The following RNF130 variants were observed in gnomAD, a reference collection of about 807,000 sequenced individuals.
RNF130 encodes E3 ubiquitin-protein ligase RNF130.
RNF130 carries 21 observed loss-of-function variants against 44.6 expected under a neutral mutation model. The observed-to-expected ratio is 0.47, with a 90% CI of 0.33 to 0.68. The LOEUF (loss-of-function observed/expected upper bound fraction) is 0.68, where lower values mean the gene tolerates loss of function less well. Ranked by LOEUF, RNF130 falls within the 30% of genes least tolerant of loss-of-function variation. The pLI is 0.02. For synonymous variants in RNF130, 214 were observed against 210.4 expected (o/e 1.02, Z -0.15); for missense variants, 479 against 560.6 (o/e 0.85, Z 1.47).
downstream of RNF130, among the ~76,000 whole-genome samples, chr5:179,950,445 A>G (rs1314470546): frequency 1.3e-5 from 2 of 152,166 alleles, no homozygotes. Context: ...TACTAATCGT[A>G]TTTCTGGTTT....
intron 2 of RNF130, among the ~76,000 whole-genome samples, chr5:180,022,000 A>G (rs1243248623): frequency 6.6e-6 from 1 of 152,206 alleles, no homozygotes; most frequent in East Asian, 1.9e-4. Context: ...TTCGAAGACT[A>G]CATTCGGCCC....
intron 1 of RNF130, among the ~76,000 whole-genome samples, chr5:180,045,264 G>A (rs1461351230): frequency 2.6e-5 from 4 of 152,204 alleles, no homozygotes; most frequent in Non-Finnish European, 5.9e-5. Context: ...ACACCCCACT[G>A]TGTTCGGAAT....
At chr5:179,954,104 T>C (rs909667244), downstream of RNF130, among the ~76,000 whole-genome samples, 2 of 152,226 alleles carry the variant, frequency 1.3e-5, no homozygotes, top group African/African-American at 2.4e-5. Flanking sequence ...ACTGGTGTTA[T>C]GGAGGTTGTG....
At position 179,975,523 on chromosome 5, in the gene RNF130, C is replaced by T. The variant is rs548935247; in HGVS notation, c.848+2680G>A. On this transcript the variant is annotated intron_variant, in intron 5 of 8. Coordinates refer to ENST00000521389, the MANE Select transcript of RNF130 (RefSeq NM_018434.6). The stretch of plus-strand genomic sequence containing the variant: ...GCTTGATGTGTAAAGTTAATTTTTG[C>T]TACACCTGATAACTGCACTGTCGCT... Among the ~76,000 whole-genome samples the T allele has an allele frequency of 1.4e-3, 209 of 152,300 alleles. 1 individual carries two copies. Among genetic ancestry groups the T allele is most frequent in the African/African-American group, 4.9e-3 (203 of 41,566 alleles).
chr5:180,033,065 C>T (rs1343296331), intron 2 of RNF130, among the ~76,000 whole-genome samples: 1 of 152,066 alleles, frequency 6.6e-6, no homozygotes, highest in East Asian at 1.9e-4. Context: ...CCTCTGCCTT[C>T]TGGGCTCAAA....
intron 3 of RNF130, among the ~76,000 whole-genome samples, chr5:179,983,864 T>A (rs935100574): frequency 6.6e-6 from 1 of 152,224 alleles, no homozygotes; most frequent in Non-Finnish European, 1.5e-5. Flanking sequence ...TTTTGTCAGA[T>A]TTATTGTTAA....
At chr5:179,912,908 G>A (rs1582116419) in exon 8 of RNF130, 2 of 152,384 alleles carry the variant, frequency 1.3e-5, no homozygotes, top group East Asian at 3.9e-4. Flanking sequence ...CTCAGAACCA[G>A]TCTGTGACGC....
At chr5:179,931,532 G>T (rs1349067164) in intron 7 of RNF130, among the ~76,000 whole-genome samples, 2 of 152,054 alleles carry the variant, frequency 1.3e-5, no homozygotes, top group African/African-American at 4.8e-5. Context: ...ACTTTGGGGG[G>T]CCGAGGTGGG....
intron 6 of RNF130, among the ~76,000 whole-genome samples, chr5:179,968,337 G>A (rs991632123): frequency 1.3e-5 from 2 of 150,460 alleles, no homozygotes; most frequent in Non-Finnish European, 1.5e-5. Flanking sequence ...GGCGGCTAGC[G>A]GTAACAACAG....
At chr5:179,960,465 T>C (rs1178611708) in intron 8 of RNF130, among the ~76,000 whole-genome samples, 1 of 152,250 alleles carries the variant, frequency 6.6e-6, no homozygotes, top group Non-Finnish European at 1.5e-5. Context: ...CACGAAGCCC[T>C]TGGTCAATGC....
intron 3 of RNF130, among the ~76,000 whole-genome samples, chr5:180,006,792 A>G (rs1469515656): frequency 6.6e-6 from 1 of 152,236 alleles, no homozygotes; most frequent in Non-Finnish European, 1.5e-5. Context: ...ATTTATTCAA[A>G]ATAAAGGTAA....
rs953659649 is a variant in RNF130 at position 179,924,786 on chromosome 5, CA to C, written c.1151-4361del. ...CCTGGGTGACAGAGTGAGGCTATCT[CA>C]AAAAAAAATTAAATATAAATAAAAA... On this transcript the variant is annotated intron_variant, in intron 7 of 7. Coordinates refer to the RNF130 transcript ENST00000522208. 4.0e-5 allele frequency among the ~76,000 whole-genome samples: 6 copies of C among 150,424 alleles called. No individual in the cohort carries two copies. The South Asian group carries it at 6.3e-4, about 16-fold the overall frequency.
At chr5:180,010,480 CT>C (rs933644038) in intron 3 of RNF130, among the ~76,000 whole-genome samples, 18 of 152,172 alleles carry the variant, frequency 1.2e-4, no homozygotes, top group African/African-American at 3.9e-4. Flanking sequence ...GTGCTTCAGC[CT>C]CCTGAATGGA....
intron 3 of RNF130, among the ~76,000 whole-genome samples, chr5:180,009,278 T>C (rs6873317): frequency 0.2 from 30,623 of 152,140 alleles, 3,303 homozygotes; most frequent in Middle Eastern, 0.25. Context: ...AAATTTTTGC[T>C]TTTCAAAGAC....
At chr5:180,063,441 T>A (rs1246924715) in intron 1 of RNF130, among the ~76,000 whole-genome samples, 1 of 152,112 alleles carries the variant, frequency 6.6e-6, no homozygotes, top group Non-Finnish European at 1.5e-5. Flanking sequence ...TGGGAAAGAC[T>A]GGAGAGCAGT....
intron 1 of RNF130, among the ~76,000 whole-genome samples, chr5:180,060,739 G>A (rs1275017284): frequency 3.9e-5 from 6 of 152,168 alleles, no homozygotes; most frequent in Non-Finnish European, 5.9e-5. Context: ...TATCAAAGGG[G>A]ATCTATAAAG....
chr5:179,942,710 G>C (rs181727574), intron 7 of RNF130, among the ~76,000 whole-genome samples: 3 of 152,286 alleles, frequency 2.0e-5, no homozygotes, highest in East Asian at 1.9e-4. Flanking sequence ...GTAATCATTA[G>C]AGTACATTTG....
In RNF130 at chr5:179,966,911, C is replaced by G; in HGVS notation, c.1045G>C (p.Asp349His). 1 of 1,614,196 alleles carries G rather than the reference C, an allele frequency of 6.2e-7. No individual in the cohort carries two copies. Residue 349 changes from aspartate (D) to histidine (H), a missense_variant, in exon 7 of 9, where the codon GAC (aspartate) becomes CAC (histidine). By Grantham distance (81) the Asp-to-His change is moderately conservative. Transcript: ENST00000521389. ...AGTGGCTCAAGGCCAAGGGAGTTGTCGCCGGCGAGGTCGCCGAGGGCTGAT... is the reference window on the plus strand; with the variant it reads ...AGTGGCTCAAGGCCAAGGGAGTTGTGGCCGGCGAGGTCGCCGAGGGCTGAT... The part of the protein sequence containing the change: ...RRSALGDLAG[D>H]NSLGLEPLRT...
At chr5:180,063,308 G>A (rs529718024) in intron 1 of RNF130, among the ~76,000 whole-genome samples, 51 of 152,336 alleles carry the variant, frequency 3.3e-4, no homozygotes, top group African/African-American at 1.1e-3. Context: ...CAACAGATAC[G>A]TACGATCCAT....
Sources: gnomAD v4.1 joint callset for allele counts (sites outside exome capture counted in the v4.1 genomes callset) on GRCh38, gnomAD v4.1.1 for gene constraint, MANE v1.5 for transcripts, NCBI Gene and HGNC (gene_info 2026-07-23, HGNC 2026-07-21) for gene names.